PKD1L1: variants seen among roughly 807,000 people sequenced by gnomAD.
PKD1L1 encodes polycystin 1 like 1, transient receptor potential channel interacting, also known as polycystin-1-like protein 1.
A neutral mutation model predicts 323.4 loss-of-function variants in PKD1L1; 236 were observed. The observed-to-expected ratio is 0.73, with a 90% CI of 0.66 to 0.81. The LOEUF is 0.81. PKD1L1 is among the 40% of genes least tolerant of loss of function. The pLI is 0.00. For missense variants in PKD1L1, 3,320 were observed against 3,508.0 expected, an observed-to-expected ratio of 0.95 and a Z score of 1.35; for synonymous variants, 1,344 against 1,335.0, an observed-to-expected ratio of 1.01 and a Z score of -0.15.
intron 21 of PKD1L1, among the ~76,000 whole-genome samples, chr7:47,879,938 AAATAAAAAAT>A (rs1786500376): frequency 8.7e-6 from 1 of 115,400 alleles, no homozygotes; most frequent in Non-Finnish European, 1.8e-5. Flanking sequence ...CTCAACAAAA[AAATAAAAAAT>A]AAAAAAAAAA....
At chr7:47,886,218 G>C (rs1005408732) in intron 17 of PKD1L1, among the ~76,000 whole-genome samples, 164 bp from the exon 18 acceptor site, 1 of 152,172 alleles carries the variant, frequency 6.6e-6, no homozygotes, top group Non-Finnish European at 1.5e-5. Flanking sequence ...GTGTTGGCGT[G>C]TTCTGTGTTG....
chr7:47,863,855 CTT>C (rs1786088885), intron 26 of PKD1L1, among the ~76,000 whole-genome samples: 1 of 152,008 alleles, frequency 6.6e-6, no homozygotes. Flanking sequence ...GACCTTGTCT[CTT>C]AAAAAAACAC....
intron 22 of PKD1L1, among the ~76,000 whole-genome samples, chr7:47,876,900 C>T (rs1440525595): frequency 2.0e-5 from 3 of 152,182 alleles, no homozygotes; most frequent in African/African-American, 7.2e-5. Flanking sequence ...CTGCCTCAGC[C>T]TCCCAAGTAG....
chr7:47,892,084 A>G lies in PKD1L1; in HGVS notation c.2454-1321T>C, dbSNP rs1403071453. 2.0e-5 allele frequency among the ~76,000 whole-genome samples: 3 copies of G among 152,218 alleles called. No individual in the cohort carries two copies. The East Asian group carries it at 5.8e-4, about 29-fold the overall frequency. ...ATTCCAGGCATGGGGGATATATCAA[A>G]TAAGAGCCCTGCCCTCCAGAGCAGT... On this transcript the variant is annotated intron_variant, in intron 15 of 56. Transcript: ENST00000289672.
intron 55 of PKD1L1, 37 bp from the exon 56 acceptor site, chr7:47,792,834 A>C: frequency 6.4e-7 from 1 of 1,555,494 alleles, no homozygotes; most frequent in Non-Finnish European, 8.9e-7. Context: ...AATGCATTCA[A>C]GAATCTCATT....
chr7:47,857,099 C>T (rs958109106), intron 28 of PKD1L1, among the ~76,000 whole-genome samples: 1 of 152,242 alleles, frequency 6.6e-6, no homozygotes, highest in Non-Finnish European at 1.5e-5. Context: ...CTCAGGGAGC[C>T]AGGGGCCACC....
At chr7:47,817,693 A>G (rs1469981524) in intron 46 of PKD1L1, among the ~76,000 whole-genome samples, 1 of 152,072 alleles carries the variant, frequency 6.6e-6, no homozygotes, top group African/African-American at 2.4e-5. Context: ...ATATGGCTAA[A>G]CCCCCGTCTT....
intron 56 of PKD1L1, among the ~76,000 whole-genome samples, chr7:47,782,744 T>G (rs1214207092): frequency 6.6e-6 from 1 of 152,204 alleles, no homozygotes; most frequent in African/African-American, 2.4e-5. Flanking sequence ...TGGCTTTGAA[T>G]AGGGAAACCC....
chr7:47,816,513 C>G (rs1785023061), intron 46 of PKD1L1, among the ~76,000 whole-genome samples: 1 of 152,154 alleles, frequency 6.6e-6, no homozygotes, highest in Non-Finnish European at 1.5e-5. Context: ...TCACCTAACT[C>G]TAAAAAACTT....
chr7:47,892,896 A>AAAT (rs1786852602), intron 15 of PKD1L1, among the ~76,000 whole-genome samples: 1 of 152,032 alleles, frequency 6.6e-6, no homozygotes, highest in African/African-American at 2.4e-5. Flanking sequence ...GCCAAAAAAA[A>AAAT]AGAAAGGAAG....
chr7:47,819,803 C>T (rs1401297306), intron 46 of PKD1L1: 1 of 241,252 alleles, frequency 4.1e-6, no homozygotes, highest in Non-Finnish European at 8.1e-6. Flanking sequence ...CCCTCTCTCA[C>T]AAAAATAAAG....
chr7:47,923,141 G>A (rs1212079615), intron 7 of PKD1L1, among the ~76,000 whole-genome samples: 2 of 151,954 alleles, frequency 1.3e-5, no homozygotes, highest in East Asian at 1.9e-4. Context: ...CAGCATACTC[G>A]TTAAGAGTCG....
At chr7:47,856,661 A>G (rs76693647) in intron 28 of PKD1L1, among the ~76,000 whole-genome samples, 1 of 152,316 alleles carries the variant, frequency 6.6e-6, no homozygotes, top group Admixed American at 6.5e-5. Context: ...ACAAGCAGTA[A>G]GTGTTTTTAA....
rs1162086984 is a variant in PKD1L1, at chr7:47,857,683, C to T, written c.4512G>A (p.Glu1504=). The change falls in exon 28 of 57, where the codon GAG becomes GAA. Residue 1504 remains glutamate, a synonymous_variant. Coordinates refer to ENST00000289672, the MANE Select transcript of PKD1L1 (RefSeq NM_138295.5). Reference sequence around the variant, plus strand: ...GGCTAATGTAGCATGGGCTCTGTGTCTCCGCCCCAGCAGGACTGTGCCCAG... The same window carrying T: ...GGCTAATGTAGCATGGGCTCTGTGTTTCCGCCCCAGCAGGACTGTGCCCAG... ...DLAGHSPAGA[E]TQSPCYISQL... is the part of the protein sequence containing the mutation. 7 of 1,614,062 alleles carry T rather than the reference C, an allele frequency of 4.3e-6. No individual in the cohort carries two copies.
chr7:47,907,071 A>C (rs1787221143), intron 9 of PKD1L1, among the ~76,000 whole-genome samples: 1 of 152,236 alleles, frequency 6.6e-6, no homozygotes, highest in Admixed American at 6.5e-5. Flanking sequence ...TCAGGTTTAG[A>C]TAAGACAAGT....
intron 19 of PKD1L1, among the ~76,000 whole-genome samples, chr7:47,882,308 T>TC (rs1786577543): frequency 8.0e-6 from 1 of 125,068 alleles, no homozygotes; most frequent in Non-Finnish European, 1.8e-5. Flanking sequence ...CTCCCTCCCT[T>TC]CCTATCTTCC....
At chr7:47,807,044 C>T (rs1211376112) in intron 52 of PKD1L1, among the ~76,000 whole-genome samples, 2 of 151,986 alleles carry the variant, frequency 1.3e-5, no homozygotes, top group Non-Finnish European at 2.9e-5. Flanking sequence ...CCCTGGTCAG[C>T]TTTCCTGAGG....
Position 47,902,506 on chromosome 7 carries a change from C to A in PKD1L1, c.1937G>T (p.Gly646Val). ...GGCAAGGACCTCCACTGTAAATTCT[C>A]CTTCCCTGGGACGGTGGAAAGCACA... ...SSSSHVYSRE[G>V]EFTVEVLAFN... Residue 646 changes from glycine to valine, a missense_variant, in exon 13 of 57, where the codon GGA becomes GTA. By Grantham distance (109) the Gly-to-Val change is moderately radical. Transcript: ENST00000289672. 1.2e-6 allele frequency: 2 copies of A among 1,613,846 alleles called. No individual in the cohort carries two copies. The highest frequency in any genetic ancestry group is 1.7e-6 in the Non-Finnish European group (2 of 1,179,900).
chr7:47,834,913 G>A, intron 39 of PKD1L1, 54 bp downstream of exon 39: 11 of 1,483,478 alleles, frequency 7.4e-6, no homozygotes, highest in Middle Eastern at 1.7e-4. Flanking sequence ...TAGTAGATTG[G>A]TGCAAAAGGC....
Sources: gnomAD v4.1 joint callset for allele counts (sites outside exome capture counted in the v4.1 genomes callset) on GRCh38, gnomAD v4.1.1 for gene constraint, MANE v1.5 for transcripts, NCBI Gene and HGNC (gene_info 2026-07-23, HGNC 2026-07-21) for gene names.